The following ZNF385D variants were observed in gnomAD, a reference collection of about 807,000 sequenced individuals.
The protein encoded by ZNF385D is zinc finger protein 659.
A neutral mutation model predicts 35.8 loss-of-function variants in ZNF385D; 15 were observed. The observed-to-expected ratio is 0.42, with a 90% CI of 0.28 to 0.64. ZNF385D has a LOEUF of 0.64. ZNF385D is among the 30% of genes least tolerant of loss of function. ZNF385D has a pLI of 0.23. For synonymous variants in ZNF385D, 212 were observed against 186.8 expected, an observed-to-expected ratio of 1.13 and a Z score of -1.10; for missense variants, 474 against 494.6, an observed-to-expected ratio of 0.96 and a Z score of 0.39.
At position 21,550,815 on chromosome 3, in the gene ZNF385D, C is replaced by A. The variant is rs556704392; in HGVS notation, c.276+13759G>T. On this transcript the variant is annotated intron_variant, in intron 3 of 7. Coordinates refer to ENST00000281523, the MANE Select transcript of ZNF385D (RefSeq NM_024697.3). Reference sequence around the variant, plus strand: ...TTTATAATACCATTAGAAAATATATCTCAATATATTGTAATGATACCAATG... The same window carrying A: ...TTTATAATACCATTAGAAAATATATATCAATATATTGTAATGATACCAATG... Among the ~76,000 whole-genome samples the A allele has an allele frequency of 2.6e-5, 4 of 152,140 alleles. No individual in the cohort carries two copies. The South Asian group carries it at 6.2e-4, about 24-fold the overall frequency.
intron 1 of ZNF385D, among the ~76,000 whole-genome samples, chr3:21,722,245 C>T (rs559268834): frequency 6.6e-6 from 1 of 152,300 alleles, no homozygotes; most frequent in South Asian, 2.1e-4. Flanking sequence ...AATAGCATTT[C>T]CCTTCCCTGT....
intron 2 of ZNF385D, among the ~76,000 whole-genome samples, chr3:22,276,251 C>A (rs895254355): frequency 6.6e-6 from 1 of 151,972 alleles, no homozygotes; most frequent in East Asian, 1.9e-4. Context: ...CAGTCTTCAG[C>A]AAAAAAGTTC....
chr3:21,977,570 G>C (rs924657867), intron 3 of ZNF385D, among the ~76,000 whole-genome samples: 1 of 152,098 alleles, frequency 6.6e-6, no homozygotes, highest in Admixed American at 6.6e-5. Context: ...TGAAATCCCA[G>C]CTATTTTGGA....
At chr3:21,813,570 G>C (rs1180915499) in intron 3 of ZNF385D, among the ~76,000 whole-genome samples, 2 of 152,148 alleles carry the variant, frequency 1.3e-5, no homozygotes, top group South Asian at 2.1e-4. Flanking sequence ...AGCTTCAGTA[G>C]CTGATTTGAT....
In ZNF385D at chr3:21,664,003, CAT is replaced by C. The variant is rs1356718173; in HGVS notation, c.165+881_165+882del. ...GATCACTGGACATTGAGTGACCTCT[CAT>C]GTTAATCCTTTCTGCTTTGGTTGCA... On this transcript the variant is annotated intron_variant, in intron 2 of 7. Coordinates refer to ENST00000281523, the MANE Select transcript of ZNF385D (RefSeq NM_024697.3). Among the ~76,000 whole-genome samples the C allele has an allele frequency of 3.4e-5, 5 of 147,992 alleles. No individual in the cohort carries two copies. The East Asian group carries it at 9.9e-4, about 29-fold the overall frequency.
At chr3:22,132,498 A>T (rs1703860755) in intron 3 of ZNF385D, among the ~76,000 whole-genome samples, 1 of 152,192 alleles carries the variant, frequency 6.6e-6, no homozygotes, top group Admixed American at 6.5e-5. Flanking sequence ...GGGAACTAAG[A>T]ATAAGATATA....
At chr3:22,028,636 T>C (rs560812237) in intron 3 of ZNF385D, among the ~76,000 whole-genome samples, 1 of 152,338 alleles carries the variant, frequency 6.6e-6, no homozygotes, top group African/African-American at 2.4e-5. Context: ...ACAATGCTTC[T>C]GCCAAGACTA....
chr3:22,228,686 A>G (rs999719851), intron 2 of ZNF385D, among the ~76,000 whole-genome samples: 1 of 152,186 alleles, frequency 6.6e-6, no homozygotes, highest in African/African-American at 2.4e-5. Context: ...GTGTTGTCAA[A>G]GGAGATTAAC....
chr3:21,983,144 A>ATT lies in ZNF385D; in HGVS notation c.325+185671_325+185672dup, dbSNP rs1239229530. Among the ~76,000 whole-genome samples, 23 of 138,994 alleles carry ATT rather than the reference A, an allele frequency of 1.7e-4. 1 individual carries two copies. The highest frequency in any genetic ancestry group is 5.2e-4 in the African/African-American group (19 of 36,280). 91.2% of individuals were successfully genotyped at this position (138,994 alleles called of 152,430 possible). ...AGGAGTCCCTCCTCCTCAATTTTTT[A>ATT]TTTTATTTTATTTTATTTTATTATT... On this transcript the variant is annotated intron_variant, in intron 3 of 5. Transcript: ENST00000494108.
chr3:21,458,306 C>G (rs1702948058), intron 4 of ZNF385D, among the ~76,000 whole-genome samples: 1 of 128,954 alleles, frequency 7.8e-6, no homozygotes, highest in South Asian at 2.8e-4. Flanking sequence ...GACCTCATCA[C>G]TCTTAAAGGA....
At chr3:21,919,106 T>C (rs934770745) in intron 3 of ZNF385D, among the ~76,000 whole-genome samples, 1 of 152,218 alleles carries the variant, frequency 6.6e-6, no homozygotes, top group South Asian at 2.1e-4. Context: ...TGTATCTTTC[T>C]CTGATAGTGT....
At chr3:21,456,183 C>T (rs1702796030) in intron 4 of ZNF385D, among the ~76,000 whole-genome samples, 1 of 152,142 alleles carries the variant, frequency 6.6e-6, no homozygotes, top group Admixed American at 6.5e-5. Context: ...TGTGGTGATT[C>T]CTCAAGGATC....
At chr3:21,952,866 TTC>T (rs1702125731) in intron 3 of ZNF385D, among the ~76,000 whole-genome samples, 1 of 151,976 alleles carries the variant, frequency 6.6e-6, no homozygotes, top group South Asian at 2.1e-4. Context: ...CAAATGAAAT[TTC>T]TGATGCCAAA....
intron 2 of ZNF385D, among the ~76,000 whole-genome samples, chr3:22,188,631 T>A (rs1464676188): frequency 1.3e-5 from 2 of 151,964 alleles, no homozygotes; most frequent in Non-Finnish European, 2.9e-5. Flanking sequence ...TTGTATTTTT[T>A]AGAAGAGATG....
chr3:21,755,540 T>C (rs1277017484), upstream of ZNF385D, among the ~76,000 whole-genome samples: 5 of 152,194 alleles, frequency 3.3e-5, no homozygotes, highest in Admixed American at 3.3e-4. Context: ...GGTGTCTGTT[T>C]AAATATTATG....
chr3:21,643,290 A>G (rs971591091), intron 2 of ZNF385D, among the ~76,000 whole-genome samples: 1 of 152,112 alleles, frequency 6.6e-6, no homozygotes, highest in Non-Finnish European at 1.5e-5. Context: ...AGAAGAGAGG[A>G]AAGAGAGGAG....
At chr3:22,191,574 T>A (rs955559841) in intron 2 of ZNF385D, among the ~76,000 whole-genome samples, 1 of 152,128 alleles carries the variant, frequency 6.6e-6, no homozygotes, top group Admixed American at 6.6e-5. Flanking sequence ...GAGTTAATTC[T>A]AGGTGTAGAA....
chr3:22,182,862 G>A (rs1473111353), intron 2 of ZNF385D, among the ~76,000 whole-genome samples: 1 of 151,898 alleles, frequency 6.6e-6, no homozygotes, highest in Non-Finnish European at 1.5e-5. Flanking sequence ...TTTTTCATAT[G>A]TAGGAGACTT....
intron 3 of ZNF385D, among the ~76,000 whole-genome samples, chr3:21,808,089 AC>A (rs1451966711): frequency 1.3e-5 from 2 of 152,186 alleles, no homozygotes; most frequent in African/African-American, 4.8e-5. Flanking sequence ...TGATCAAGAG[AC>A]CGGAAGCCAA....
Sources: gnomAD v4.1 joint callset for allele counts (sites outside exome capture counted in the v4.1 genomes callset) on GRCh38, gnomAD v4.1.1 for gene constraint, MANE v1.5 for transcripts, NCBI Gene and HGNC (gene_info 2026-07-23, HGNC 2026-07-21) for gene names.